SMARCE1: variants seen among roughly 807,000 people sequenced by gnomAD.
The protein encoded by SMARCE1 is SWI/SNF-related matrix-associated actin-dependent regulator of chromatin subfamily E member 1.
SMARCE1 carries 13 observed loss-of-function variants against 54.9 expected under a neutral mutation model. That is an observed-to-expected ratio of 0.24 (90% CI 0.15 to 0.38). SMARCE1 has a LOEUF of 0.38. Among genes scored for constraint, SMARCE1 ranks in the 10% least tolerant of loss-of-function variants. The pLI is 1.00. For synonymous variants in SMARCE1, 151 were observed against 175.3 expected (o/e 0.86, Z 1.10); for missense variants, 295 against 523.8 (o/e 0.56, Z 4.26).
chr17:40,629,783 G>A (rs1311065095), intron 10 of SMARCE1: 9 of 388,474 alleles, frequency 2.3e-5, no homozygotes, highest in South Asian at 1.4e-4. Flanking sequence ...TTTCAAGCTC[G>A]TTTTAACCAC....
rs187098316 is a variant in SMARCE1 at position 40,626,524 on chromosome 17, C to T, written c.*2261G>A. On this transcript the variant is annotated 3_prime_UTR_variant, in exon 11 of 11. Coordinates refer to ENST00000348513, the MANE Select transcript of SMARCE1 (RefSeq NM_003079.5). ...AAACATCAAGTCTACATATATCACT[C>T]TGACCAAGTGGATTTTTACATCAAT... The T allele has an allele frequency of 1.3e-5, 2 of 152,322 alleles. No individual in the cohort carries two copies. The highest frequency in any genetic ancestry group is 2.9e-5 in the Non-Finnish European group (2 of 68,046). 9.4% of individuals were successfully genotyped at this position (152,322 alleles called of 1,614,324 possible).
intron 10 of SMARCE1, 199 bp downstream of exon 10, chr17:40,630,515 C>T (rs925205002): frequency 4.3e-5 from 27 of 630,568 alleles, no homozygotes; most frequent in Non-Finnish European, 6.8e-5. Context: ...TTAATCTTAA[C>T]GGTAATAACC....
chr17:40,633,156 C>A (rs2037112502), intron 7 of SMARCE1: 1 of 152,310 alleles, frequency 6.6e-6, no homozygotes, highest in South Asian at 2.1e-4. Context: ...ATTACAGGCG[C>A]ATGACACCAC....
intron 7 of SMARCE1, chr17:40,634,669 GT>G (rs2037128452): frequency 6.6e-6 from 1 of 152,292 alleles, no homozygotes; most frequent in East Asian, 1.9e-4. Context: ...ATAGGCCCAA[GT>G]TTCAGACTGT....
chr17:40,637,988 C>T (rs4890118), intron 4 of SMARCE1, among the ~76,000 whole-genome samples: 20,568 of 152,146 alleles, frequency 0.14, 1,873 homozygotes, highest in East Asian at 0.35. Flanking sequence ...ACCATTCTCA[C>T]ACTGTCTACA....
intron 5 of SMARCE1, 23 bp downstream of exon 5, chr17:40,637,469 C>T (rs1217997202): frequency 4.4e-6 from 7 of 1,579,910 alleles, no homozygotes; most frequent in African/African-American, 1.3e-5. Context: ...GTCCTCACTC[C>T]TTACCAGGTC....
chr17:40,644,929 T>G (rs2037238953), intron 3 of SMARCE1: 1 of 152,194 alleles, frequency 6.6e-6, no homozygotes, highest in Non-Finnish European at 1.5e-5. Context: ...AAATCTGTTT[T>G]GTGGGTTGGA....
intron 5 of SMARCE1, chr17:40,636,890 G>A (rs999272964): frequency 5.8e-5 from 10 of 171,788 alleles, no homozygotes; most frequent in Non-Finnish European, 7.5e-5. Context: ...TGCATAACAC[G>A]GTACATCATA....
intron 4 of SMARCE1, among the ~76,000 whole-genome samples, chr17:40,638,762 C>T (rs558586428): frequency 8.5e-5 from 13 of 152,110 alleles, no homozygotes; most frequent in Admixed American, 5.9e-4. Flanking sequence ...TTTTAATTAT[C>T]GAAAGACAGG....
At chr17:40,631,199 G>C in intron 9 of SMARCE1, 1 of 363,948 alleles carries the variant, frequency 2.7e-6, no homozygotes, top group Non-Finnish European at 4.9e-6. Context: ...GTATACATAA[G>C]GCTTCCGTTT....
chr17:40,636,515 T>C lies in SMARCE1; in HGVS notation c.249A>G (p.Gln83=). The change falls in exon 6 of 11, where the codon CAA becomes CAG. Residue 83 remains glutamine (Q), a synonymous_variant. Coordinates refer to ENST00000348513, the MANE Select transcript of SMARCE1 (RefSeq NM_003079.5). ...YMRYSRKVWD[Q]VKASNPDLKL... ...TTAGGTCAGGGTTGGAAGCCTTTAC[T>C]TGGTCCCAGACCTTAAAAAGAAAAC... 1 of 1,612,106 alleles carries C rather than the reference T, an allele frequency of 6.2e-7. No individual in the cohort carries two copies. Among genetic ancestry groups the C allele is most frequent in the African/African-American group, 1.3e-5 (1 of 74,986 alleles).
chr17:40,637,239 A>G, intron 5 of SMARCE1: 1 of 468,542 alleles, frequency 2.1e-6, no homozygotes, highest in Non-Finnish European at 3.9e-6. Flanking sequence ...AATATTCTCC[A>G]AAAGAAATGA....
chr17:40,637,741 C>T, intron 4 of SMARCE1, 169 bp from the exon 5 acceptor site: 1 of 597,902 alleles, frequency 1.7e-6, no homozygotes. Flanking sequence ...AAGAAAATGA[C>T]TTTAAGCACA....
intron 5 of SMARCE1, 159 bp from the exon 6 acceptor site, chr17:40,636,685 G>A (rs1036833658): frequency 5.3e-6 from 3 of 567,014 alleles, no homozygotes; most frequent in Admixed American, 6.4e-5. Context: ...TCAAGAACTG[G>A]CCAATCTCAA....
rs1051098640 is a variant in SMARCE1 at position 40,630,157 on chromosome 17, C to T, written c.1027+557G>A. The T allele has an allele frequency of 4.4e-6, 4 of 918,972 alleles. No individual in the cohort carries two copies. The Admixed American group carries it at 6.7e-5, about 15-fold the overall frequency. The allele number at this position is 918,972 out of a possible 1,614,324, so 56.9% of individuals were successfully genotyped here. Reference sequence around the variant, plus strand: ...AATTACAAGTGACGATCAATGTAATCAGTACTTTATGTAAGTTTTATTTAT... The same window carrying T: ...AATTACAAGTGACGATCAATGTAATTAGTACTTTATGTAAGTTTTATTTAT... On this transcript the variant is annotated intron_variant, in intron 10 of 10. Coordinates refer to ENST00000348513, the MANE Select transcript of SMARCE1 (RefSeq NM_003079.5).
rs115962208 is a variant in SMARCE1, at chr17:40,638,705, G to A, written c.157-1133C>T. ...ATTTGCAAATTTTCAGGAGATCTCT[G>A]ATATTGACTCTCCCTGCTAGGCTGG... On this transcript the variant is annotated intron_variant, in intron 4 of 10. Coordinates refer to ENST00000348513, the MANE Select transcript of SMARCE1 (RefSeq NM_003079.5). 7.9e-3 allele frequency among the ~76,000 whole-genome samples: 1,210 copies of A among 152,270 alleles called. 9 individuals carry two copies. Among genetic ancestry groups the A allele is most frequent in the Middle Eastern group, 0.01 (3 of 294 alleles).
intron 1 of SMARCE1, among the ~76,000 whole-genome samples, chr17:40,646,795 G>A (rs1333822795): frequency 6.6e-6 from 1 of 152,150 alleles, no homozygotes; most frequent in Non-Finnish European, 1.5e-5. Context: ...CAAACATGTG[G>A]AATAGATCTG....
intron 8 of SMARCE1, chr17:40,631,926 T>C: frequency 1.8e-6 from 1 of 550,248 alleles, no homozygotes. Flanking sequence ...AGCATAGCAG[T>C]AAAGATTGAT....
rs977514083 is a variant in SMARCE1 at position 40,627,634 on chromosome 17, C to T, written c.*1151G>A. 1 of 152,574 alleles carries T rather than the reference C, an allele frequency of 6.6e-6. No individual in the cohort carries two copies. Among genetic ancestry groups the T allele is most frequent in the Admixed American group, 6.5e-5 (1 of 15,270 alleles). 9.5% of individuals were successfully genotyped at this position (152,574 alleles called of 1,614,324 possible). A position where few individuals can be genotyped will look rare whatever the true frequency, so the allele number is the denominator to read the frequency against. ...ATAATGGCTGAGTGGTCATTCCACA[C>T]TGTCACTGCATTACAGAAAAAAACT... On this transcript the variant is annotated 3_prime_UTR_variant, in exon 11 of 11. Transcript: ENST00000348513.
Sources: allele counts gnomAD v4.1 joint callset (sites outside exome capture counted in the v4.1 genomes callset), GRCh38; gene constraint gnomAD v4.1.1; transcripts MANE v1.5; gene names NCBI Gene and HGNC (gene_info 2026-07-23, HGNC 2026-07-21).